ADCY10: variants seen among roughly 807,000 people sequenced by gnomAD.
ADCY10 encodes adenylate cyclase 10, also known as adenylate cyclase type 10.
A neutral mutation model predicts 183.3 loss-of-function variants in ADCY10; 156 were observed. The ratio of observed to expected loss-of-function variants is 0.85; its 90% CI spans 0.75 to 0.97. The LOEUF is 0.97. Among genes scored for constraint, ADCY10 ranks in the 50% least tolerant of loss-of-function variants. The pLI, the probability that ADCY10 is intolerant of heterozygous loss-of-function variation, is 0.00. For synonymous variants in ADCY10, 645 were observed against 670.0 expected, an observed-to-expected ratio of 0.96 and a Z score of 0.58; for missense variants, 1,745 against 1,934.3, an observed-to-expected ratio of 0.90 and a Z score of 1.84.
At chr1:167,863,557 G>A (rs569549985) in intron 14 of ADCY10, among the ~76,000 whole-genome samples, 4 of 151,852 alleles carry the variant, frequency 2.6e-5, no homozygotes, top group Non-Finnish European at 5.9e-5. Flanking sequence ...TTTTGTCTGC[G>A]GCTCATCCTG....
chr1:167,883,706 C>T (rs1406952924), intron 8 of ADCY10, 78 bp from the exon 9 acceptor site: 7 of 1,348,760 alleles, frequency 5.2e-6, no homozygotes, highest in East Asian at 2.3e-5. Context: ...ACCTCATACC[C>T]GAAATCATCT....
At position 167,893,937 on chromosome 1, in the gene ADCY10, G is replaced by A. The variant is rs530311657; in HGVS notation, c.744C>T (p.Leu248=). 6.8e-5 allele frequency: 109 copies of A among 1,612,832 alleles called. No individual in the cohort carries two copies. In the South Asian group the frequency reaches 1.2e-3, roughly 17 times the overall value. The change falls in exon 8 of 33, where the codon CTC becomes CTT. Residue 248 remains leucine, a synonymous_variant. Transcript: ENST00000367851. ...HYYPSGEHKN[L]LRLACTLKPD... ...GCTTCAGCGTGCATGCAAGCCTCAG[G>A]AGGTCTAAGAAGGCAGAAGGAGGGT...
In ADCY10 at chr1:167,836,319, T is replaced by C. The variant is rs1036237106; in HGVS notation, c.3299A>G (p.Asp1100Gly). Residue 1100 changes from aspartate (D) to glycine (G), a missense_variant, in exon 23 of 33, where the codon GAT becomes GGT. Transcript: ENST00000367851. ...GTAGAAACAGCTTACCATGTAGTTA[T>C]CACAAAAGATGAGATAAGCAGATGC... ...EIASAYLIFC[D>G]NYMAYMYLNE... is the part of the protein sequence containing the mutation. The C allele has an allele frequency of 8.7e-6, 14 of 1,610,492 alleles. No individual in the cohort carries two copies. The African/African-American group carries it at 1.2e-4, about 14-fold the overall frequency.
At chr1:167,872,729 T>C (rs748384257) in intron 13 of ADCY10, among the ~76,000 whole-genome samples, 2 of 149,980 alleles carry the variant, frequency 1.3e-5, no homozygotes, top group Non-Finnish European at 3.0e-5. Flanking sequence ...CTGATCTTTA[T>C]GTCATACTGG....
intron 18 of ADCY10, among the ~76,000 whole-genome samples, chr1:167,853,307 C>T (rs1412280158): frequency 6.6e-6 from 1 of 152,006 alleles, no homozygotes; most frequent in Non-Finnish European, 1.5e-5. Flanking sequence ...ATTCCTCCTG[C>T]TAAATATAGT....
chr1:167,892,568 A>G (rs1668669783), intron 8 of ADCY10, among the ~76,000 whole-genome samples: 1 of 152,184 alleles, frequency 6.6e-6, no homozygotes, highest in East Asian at 1.9e-4. Context: ...AAGAAGCATA[A>G]TGTATTATAT....
At position 167,875,130 on chromosome 1, in the gene ADCY10, C is replaced by G. The variant is rs1667359644; in HGVS notation, c.1462+1G>C. 6.2e-7 allele frequency: 1 copy of G among 1,613,858 alleles called. No individual in the cohort carries two copies. Among genetic ancestry groups the G allele is most frequent in the African/African-American group, 1.3e-5 (1 of 74,918 alleles). ...GTTTAAAATCAAGGCCTACTACCTA[C>G]CCAGCAAAGGGTAATCCTCCTTTCT... On this transcript the variant is annotated splice_donor_variant, in intron 13 of 32. Coordinates refer to ENST00000367851, the MANE Select transcript of ADCY10 (RefSeq NM_018417.6). LOFTEE classifies it high-confidence loss of function.
At chr1:167,824,909 G>A in intron 26 of ADCY10, 54 bp from the exon 27 acceptor site, 1 of 1,497,118 alleles carries the variant, frequency 6.7e-7, no homozygotes, top group Non-Finnish European at 9.3e-7. Flanking sequence ...AGAAAGCTCA[G>A]GAACATCACT....
intron 21 of ADCY10, 148 bp from the exon 22 acceptor site, chr1:167,837,466 G>GT: frequency 1.4e-6 from 1 of 695,098 alleles, no homozygotes; most frequent in South Asian, 1.6e-5. Context: ...TGTATCTTAG[G>GT]TGAAGCCACG....
intron 25 of ADCY10, among the ~76,000 whole-genome samples, chr1:167,832,333 T>A (rs916818599): frequency 6.6e-6 from 1 of 152,166 alleles, no homozygotes; most frequent in Non-Finnish European, 1.5e-5. Flanking sequence ...ATGAGCAAAA[T>A]GCACTCAACA....
chr1:167,848,314 G>C lies in ADCY10; in HGVS notation c.2437+47C>G, dbSNP rs770998168. 3.7e-5 allele frequency: 57 copies of C among 1,543,406 alleles called. No homozygotes were observed. In the African/African-American group the frequency reaches 7.4e-4, roughly 20 times the overall value. On this transcript the variant is annotated intron_variant, in intron 19 of 32. Transcript: ENST00000367851. ...TCCGCCCGCCTCGGCCTCCCAAAGT[G>C]CTGGGATTACAGGCGTGAGCCACTG... is the stretch of plus-strand genomic sequence containing the variant.
intron 25 of ADCY10, among the ~76,000 whole-genome samples, chr1:167,832,337 C>T (rs575299261): frequency 2.8e-4 from 43 of 152,310 alleles, no homozygotes; most frequent in African/African-American, 1.0e-3. Flanking sequence ...GCAAAATGCA[C>T]TCAACACCTA....
chr1:167,887,814 C>T (rs925284227), intron 8 of ADCY10, among the ~76,000 whole-genome samples: 9 of 150,714 alleles, frequency 6.0e-5, no homozygotes, highest in Non-Finnish European at 1.2e-4. Context: ...CCCATCTGTC[C>T]ATTTTTGCTT....
intron 26 of ADCY10, among the ~76,000 whole-genome samples, chr1:167,826,884 G>A (rs1337523962): frequency 6.6e-6 from 1 of 152,214 alleles, no homozygotes; most frequent in Non-Finnish European, 1.5e-5. Flanking sequence ...TTCTGTGTTT[G>A]AGGAACCAAA....
chr1:167,905,316 G>C (rs532555233), intron 1 of ADCY10, 118 bp from the exon 2 acceptor site: 4 of 784,648 alleles, frequency 5.1e-6, no homozygotes, highest in Non-Finnish European at 6.3e-6. Context: ...GAAAATGCCA[G>C]AGTTGTTGAG....
intron 13 of ADCY10, among the ~76,000 whole-genome samples, chr1:167,873,089 T>C (rs1044195156): frequency 2.6e-5 from 4 of 151,652 alleles, no homozygotes; most frequent in Non-Finnish European, 4.4e-5. Flanking sequence ...AAAAAAGAAA[T>C]ATCCACATAA....
chr1:167,846,913 C>A (rs137995242), intron 19 of ADCY10, among the ~76,000 whole-genome samples: 2 of 151,896 alleles, frequency 1.3e-5, no homozygotes, highest in Non-Finnish European at 2.9e-5. Context: ...ACAGTAGAAA[C>A]TAAGCTAGTC....
At chr1:167,876,415 A>G (rs770357881) in intron 12 of ADCY10, among the ~76,000 whole-genome samples, 3 of 152,224 alleles carry the variant, frequency 2.0e-5, no homozygotes, top group Non-Finnish European at 4.4e-5. Flanking sequence ...TGCTCACTCC[A>G]TAACACTATC....
chr1:167,878,801 C>T (rs1216352559), intron 11 of ADCY10, among the ~76,000 whole-genome samples, 166 bp from the exon 12 acceptor site: 1 of 152,222 alleles, frequency 6.6e-6, no homozygotes, highest in Non-Finnish European at 1.5e-5. Flanking sequence ...AATGGCTATT[C>T]ACAAAATGTG....
Sources: gnomAD v4.1 joint callset for allele counts (sites outside exome capture counted in the v4.1 genomes callset) on GRCh38, gnomAD v4.1.1 for gene constraint, MANE v1.5 for transcripts, NCBI Gene and HGNC (gene_info 2026-07-23, HGNC 2026-07-21) for gene names.